The following PGM5 variants were observed in gnomAD, a reference collection of about 807,000 sequenced individuals.
PGM5 encodes the protein phosphoglucomutase 5, also known as phosphoglucomutase-like protein 5.
In PGM5, 23 loss-of-function variants were observed where a neutral mutation model predicts 59.2. That is an observed-to-expected ratio of 0.39 (90% CI 0.28 to 0.55). PGM5 has a LOEUF of 0.55. Ranked by LOEUF, PGM5 falls within the 20% of genes least tolerant of loss-of-function variation. The probability of loss-of-function intolerance (pLI) is 0.66; values close to 1 mark genes in which losing one functional copy is unlikely to be tolerated. For missense variants in PGM5, 574 were observed against 748.3 expected (o/e 0.77, Z 2.72); for synonymous variants, 214 against 286.0 (o/e 0.75, Z 2.54).
intron 9 of PGM5, among the ~76,000 whole-genome samples, chr9:68,493,414 T>C (rs782284062): frequency 6.6e-6 from 1 of 152,164 alleles, no homozygotes; most frequent in African/African-American, 2.4e-5. Flanking sequence ...TGAGAAGCAA[T>C]GTGTGAATAT....
intron 1 of PGM5, among the ~76,000 whole-genome samples, chr9:68,359,472 G>C (rs1834535734): frequency 6.6e-6 from 1 of 152,152 alleles, no homozygotes; most frequent in Admixed American, 6.5e-5. Context: ...TCCTCATTTT[G>C]TTCACCTTCT....
At chr9:68,434,713 G>A (rs1385795895) in intron 6 of PGM5, among the ~76,000 whole-genome samples, 1 of 151,840 alleles carries the variant, frequency 6.6e-6, no homozygotes, top group Non-Finnish European at 1.5e-5. Context: ...GGCTGAGGCA[G>A]AAGAATCGCT....
At chr9:68,409,760 G>A (rs1822890038) in intron 6 of PGM5, among the ~76,000 whole-genome samples, 1 of 137,786 alleles carries the variant, frequency 7.3e-6, no homozygotes, top group Admixed American at 7.2e-5. Context: ...AGCATTGGGA[G>A]ATATACCTAA....
chr9:68,368,788 G>A (rs1554676933), intron 1 of PGM5, among the ~76,000 whole-genome samples: 1 of 152,152 alleles, frequency 6.6e-6, no homozygotes, highest in Admixed American at 6.5e-5. Context: ...GACTACAGGT[G>A]CACGCCACCA....
intron 6 of PGM5, among the ~76,000 whole-genome samples, chr9:68,402,194 G>A (rs1822690306): frequency 1.3e-5 from 2 of 152,230 alleles, no homozygotes; most frequent in African/African-American, 4.8e-5. Context: ...AACCTGGGAG[G>A]CAGAGCTTGC....
At chr9:68,377,015 C>T (rs1207416470) in intron 1 of PGM5, among the ~76,000 whole-genome samples, 1 of 151,858 alleles carries the variant, frequency 6.6e-6, no homozygotes, top group Non-Finnish European at 1.5e-5. Flanking sequence ...CAACCTCTGC[C>T]TCCCAGGTTC....
chr9:68,456,918 G>A (rs1554684925), intron 6 of PGM5, among the ~76,000 whole-genome samples: 2 of 152,088 alleles, frequency 1.3e-5, no homozygotes, highest in Non-Finnish European at 2.9e-5. Context: ...GAGCCACTGT[G>A]CCCAGCCTCT....
At chr9:68,427,197 AG>A (rs1823252942) in intron 6 of PGM5, among the ~76,000 whole-genome samples, 1 of 152,206 alleles carries the variant, frequency 6.6e-6, no homozygotes, top group Non-Finnish European at 1.5e-5. Context: ...TTCCTTGAGA[AG>A]GGGTCCAAGA....
intron 6 of PGM5, 125 bp downstream of exon 6, chr9:68,392,598 G>A (rs1554679613): frequency 4.1e-6 from 6 of 1,465,276 alleles, no homozygotes; most frequent in Admixed American, 4.7e-5. Flanking sequence ...ATGGGAACAC[G>A]GTATAGTGTA....
Position 68,365,401 on chromosome 9 carries a change from A to T in PGM5, c.261+8013A>T, listed in dbSNP as rs1343744928. 3.3e-4 allele frequency among the ~76,000 whole-genome samples: 49 copies of T among 149,254 alleles called. 1 individual carries two copies. In the East Asian group the frequency reaches 9.6e-3, roughly 29 times the overall value. ...ACTTCTACTTAACACAGTCAAAGGG[A>T]AATTTTTAGATTCTTTCATCTGATT... On this transcript the variant is annotated intron_variant, in intron 1 of 10. Coordinates refer to ENST00000396396, the MANE Select transcript of PGM5 (RefSeq NM_021965.4).
chr9:68,406,270 G>T (rs1466439383), intron 6 of PGM5: 1 of 151,920 alleles, frequency 6.6e-6, no homozygotes, highest in Non-Finnish European at 1.5e-5. Flanking sequence ...CTGAAACTTG[G>T]TAATTTATGA....
At chr9:68,527,849 A>G (rs1311819550) in intron 10 of PGM5, among the ~76,000 whole-genome samples, 1 of 152,206 alleles carries the variant, frequency 6.6e-6, no homozygotes, top group Admixed American at 6.5e-5. Flanking sequence ...GTCACCTTTC[A>G]GCCCAAAACA....
chr9:68,407,773 T>G (rs1207804579), intron 6 of PGM5, among the ~76,000 whole-genome samples: 3 of 152,204 alleles, frequency 2.0e-5, no homozygotes, highest in Non-Finnish European at 4.4e-5. Context: ...TTTTATAACC[T>G]GTTTAGTAGT....
At chr9:68,485,236 A>G (rs1310157396) in intron 9 of PGM5, among the ~76,000 whole-genome samples, 2 of 152,076 alleles carry the variant, frequency 1.3e-5, no homozygotes, top group African/African-American at 2.4e-5. Context: ...ACTGTATCTC[A>G]AGTTCATCTA....
chr9:68,493,904 T>A (rs1364282111), intron 9 of PGM5, among the ~76,000 whole-genome samples: 1 of 152,228 alleles, frequency 6.6e-6, no homozygotes, highest in Non-Finnish European at 1.5e-5. Context: ...ACAAGGGTTA[T>A]GAAATCCTTT....
rs1264604413 is a variant in PGM5 at position 68,365,593 on chromosome 9, A to G, written c.261+8205A>G. ...TTGTATGAAAAGAAAAATTTCAGGA[A>G]CATTCAACCTCAAAAGTTCTTTTTC... On this transcript the variant is annotated intron_variant, in intron 1 of 10. Coordinates refer to ENST00000396396, the MANE Select transcript of PGM5 (RefSeq NM_021965.4). Among the ~76,000 whole-genome samples, 11 of 152,340 alleles carry G rather than the reference A, an allele frequency of 7.2e-5. No individual in the cohort carries two copies. In the East Asian group the frequency reaches 2.1e-3, roughly 29 times the overall value.
chr9:68,429,446 T>C (rs1823306399), intron 6 of PGM5: 1 of 152,114 alleles, frequency 6.6e-6, no homozygotes, highest in Non-Finnish European at 1.5e-5. Context: ...TATTCACCAC[T>C]AACACAAATT....
chr9:68,486,161 A>G (rs1375817947), intron 9 of PGM5, among the ~76,000 whole-genome samples: 1 of 152,240 alleles, frequency 6.6e-6, no homozygotes, highest in Admixed American at 6.5e-5. Flanking sequence ...TAAAATAACC[A>G]TTAAGTACCT....
At chr9:68,499,400 G>A (rs377092027) in intron 10 of PGM5, 39 bp downstream of exon 10, 80 of 1,597,506 alleles carry the variant, frequency 5.0e-5, no homozygotes, top group Non-Finnish European at 6.5e-5. Flanking sequence ...GTGTCTCGCA[G>A]CTCCTGGCAA....
Sources: gnomAD v4.1 joint callset for allele counts (sites outside exome capture counted in the v4.1 genomes callset) on GRCh38, gnomAD v4.1.1 for gene constraint, MANE v1.5 for transcripts, NCBI Gene and HGNC (gene_info 2026-07-23, HGNC 2026-07-21) for gene names.